The following ZNF554 variants were observed in gnomAD, a reference collection of about 807,000 sequenced individuals.
The protein encoded by ZNF554 is zinc finger protein 554.
In ZNF554, 15 loss-of-function variants were observed where a neutral mutation model predicts 21.2. The ratio of observed to expected loss-of-function variants is 0.71; its 90% CI spans 0.47 to 1.09. ZNF554 has a LOEUF of 1.09. Ranked by LOEUF, ZNF554 falls within the 50% of genes least tolerant of loss-of-function variation. The probability of loss-of-function intolerance (pLI) is 0.00; values close to 1 mark genes in which losing one functional copy is unlikely to be tolerated. For missense variants in ZNF554, 691 were observed against 662.7 expected, an observed-to-expected ratio of 1.04 and a Z score of -0.47; for synonymous variants, 258 against 251.4, an observed-to-expected ratio of 1.03 and a Z score of -0.25.
At chr19:2,826,869 C>G (rs1022715789) in intron 2 of ZNF554, among the ~76,000 whole-genome samples, 1 of 151,876 alleles carries the variant, frequency 6.6e-6, no homozygotes, top group Non-Finnish European at 1.5e-5. Context: ...TCACTGCGTT[C>G]GCCAGGATGG....
intron 3 of ZNF554, among the ~76,000 whole-genome samples, chr19:2,830,080 A>G (rs1346966395): frequency 1.3e-5 from 2 of 151,938 alleles, no homozygotes; most frequent in Non-Finnish European, 2.9e-5. Flanking sequence ...GCCCGCCACC[A>G]TGCCCGGCTA....
In ZNF554 at chr19:2,828,536, G is replaced by A. The variant is rs112278260; in HGVS notation, c.253+793G>A. ...AAACCCTGTCTCTACTAAAAATGGCGGGCACCTGTAATCCCAGCTACTCAG... is the reference window on the plus strand; with the variant it reads ...AAACCCTGTCTCTACTAAAAATGGCAGGCACCTGTAATCCCAGCTACTCAG... On this transcript the variant is annotated intron_variant, in intron 3 of 4. Coordinates refer to ENST00000317243, the MANE Select transcript of ZNF554 (RefSeq NM_001102651.2). 5.5e-3 allele frequency among the ~76,000 whole-genome samples: 839 copies of A among 152,046 alleles called. 8 individuals carry two copies. The highest frequency in any genetic ancestry group is 0.016 in the African/African-American group (664 of 41,492).
intron 2 of ZNF554, among the ~76,000 whole-genome samples, chr19:2,826,828 A>G (rs919548569): frequency 6.6e-6 from 1 of 151,648 alleles, no homozygotes; most frequent in Admixed American, 6.6e-5. Context: ...TGCCCGGCTA[A>G]TTTTTTTGTA....
In ZNF554 at chr19:2,833,844, G is replaced by A; in HGVS notation, c.609G>A (p.Lys203=). ...ACCCCCAGGGGCTTTTGAGCCAAAA[G>A]GCATCCCTTCACGTAGTGGCCGTTC... is the stretch of plus-strand genomic sequence containing the variant. ...HEDPQGLLSQ[K]ASLHVVAVPQ... is the part of the protein sequence containing the mutation. Residue 203 remains lysine (K), a synonymous_variant, in exon 5 of 5, where the codon AAG becomes AAA. Coordinates refer to ENST00000317243, the MANE Select transcript of ZNF554 (RefSeq NM_001102651.2). The A allele has an allele frequency of 6.2e-7, 1 of 1,612,772 alleles. No homozygotes were observed. Among genetic ancestry groups the A allele is most frequent in the Non-Finnish European group, 8.5e-7 (1 of 1,179,218 alleles).
rs1399337194 is a variant in ZNF554 at position 2,834,773 on chromosome 19, C to T, written c.1538C>T (p.Thr513Ile). 1 of 1,613,048 alleles carries T rather than the reference C, an allele frequency of 6.2e-7. No individual in the cohort carries two copies. ...QSSSLVTHQK[T>I]HSSQKTYKII... is the part of the protein sequence containing the mutation. Reference sequence around the variant, plus strand: ...TCATCCCTTGTCACACATCAGAAAACTCACAGCAGCCAGAAAACCTATAAA... The same window carrying T: ...TCATCCCTTGTCACACATCAGAAAATTCACAGCAGCCAGAAAACCTATAAA... Residue 513 changes from threonine (T) to isoleucine (I), a missense_variant, in exon 5 of 5, where the codon ACT becomes ATT. Coordinates refer to ENST00000317243, the MANE Select transcript of ZNF554 (RefSeq NM_001102651.2).
chr19:2,831,155 A>G (rs2087411123), intron 3 of ZNF554: 1 of 152,062 alleles, frequency 6.6e-6, no homozygotes, highest in Admixed American at 6.6e-5. Context: ...GGCAACACTT[A>G]CTATTTTTTA....
intron 3 of ZNF554, among the ~76,000 whole-genome samples, chr19:2,828,222 C>G (rs2087362181): frequency 6.6e-6 from 1 of 152,092 alleles, no homozygotes; most frequent in Admixed American, 6.6e-5. Context: ...AGACATGGGT[C>G]CTGGTTTTGT....
Position 2,820,083 on chromosome 19 carries a change from C to A in ZNF554, c.12C>A (p.Cys4Ter), listed in dbSNP as rs2087241511. The change falls in exon 1 of 5, where the codon TGC becomes TGA. Residue 4 changes from cysteine (C) to a stop codon, truncating the protein, a stop_gained. Transcript: ENST00000317243. LOFTEE classifies it high-confidence loss of function. ...CAGCGCGCGCCCCGATGGTCACCTGCGCCCACCTGGGCCGGCGCGCGCGGC... is the reference window on the plus strand; with the variant it reads ...CAGCGCGCGCCCCGATGGTCACCTGAGCCCACCTGGGCCGGCGCGCGCGGC... MVT[C>*]AHLGRRARLP... is the part of the protein sequence containing the mutation. 4.1e-6 allele frequency: 5 copies of A among 1,214,482 alleles called. No homozygotes were observed. The South Asian group carries it at 2.0e-4, about 48-fold the overall frequency. The allele number at this position is 1,214,482 out of a possible 1,614,324, so 75.2% of individuals were successfully genotyped here.
chr19:2,823,938 C>T (rs1369056439), intron 2 of ZNF554, among the ~76,000 whole-genome samples: 2 of 152,104 alleles, frequency 1.3e-5, no homozygotes, highest in Non-Finnish European at 2.9e-5. Flanking sequence ...AGTCTTCAGG[C>T]CCTCCCTGGC....
chr19:2,834,601 C>T lies in ZNF554; in HGVS notation c.1366C>T (p.Arg456Ter), dbSNP rs202222425. ...SDRSSLNQHE[R>*]THTGENPYEC... ...CCGTTCCTCTCTCAACCAGCACGAG[C>T]GAACTCACACGGGCGAGAACCCCTA... The change falls in exon 5 of 5, where the codon CGA (arginine) becomes TGA (stop). Residue 456 changes from arginine to a stop codon, truncating the protein, a stop_gained. Coordinates refer to ENST00000317243, the MANE Select transcript of ZNF554 (RefSeq NM_001102651.2). LOFTEE classifies it low-confidence loss of function (END_TRUNC). 3.5e-4 allele frequency: 561 copies of T among 1,613,356 alleles called. 1 individual carries two copies. Among genetic ancestry groups the T allele is most frequent in the Admixed American group, 6.0e-4 (36 of 59,944 alleles).
chr19:2,821,001 G>C lies in ZNF554; in HGVS notation c.53+877G>C, dbSNP rs1383715075. Among the ~76,000 whole-genome samples, 1 of 151,620 alleles carries C rather than the reference G, an allele frequency of 6.6e-6. No individual in the cohort carries two copies. Among genetic ancestry groups the C allele is most frequent in the African/African-American group, 2.4e-5 (1 of 40,990 alleles). ...TGTTTATACCCACCACCCATGTTGA[G>C]GAATGAGGGAGGCAGCTGACCTTTC... On this transcript the variant is annotated intron_variant, in intron 1 of 4. Transcript: ENST00000317243. This position sits in a 1 kb window ranked among gnomAD's most constrained non-coding sequence, Gnocchi z 8.2.
In ZNF554 at chr19:2,819,946, C is replaced by A; in HGVS notation, c.-126C>A. The stretch of plus-strand genomic sequence containing the variant: ...GTTCCTGAGGGGCGCCTGCGGGGGG[C>A]GTCCGCTCCGAGCGCCGAGGAGCCG... On this transcript the variant is annotated 5_prime_UTR_variant, in exon 1 of 5. Coordinates refer to ENST00000317243, the MANE Select transcript of ZNF554 (RefSeq NM_001102651.2). 1.4e-6 allele frequency: 1 copy of A among 692,608 alleles called. No homozygotes were observed. The highest frequency in any genetic ancestry group is 1.9e-6 in the Non-Finnish European group (1 of 513,884). 42.9% of individuals were successfully genotyped at this position (692,608 alleles called of 1,614,324 possible). A position where few individuals can be genotyped will look rare whatever the true frequency, so the allele number is the denominator to read the frequency against.
rs755907820 is a variant in ZNF554 at position 2,834,902 on chromosome 19, T to A, written c.*50T>A. The A allele has an allele frequency of 4.7e-6, 7 of 1,477,444 alleles. No homozygotes were observed. 91.5% of individuals were successfully genotyped at this position (1,477,444 alleles called of 1,614,324 possible). On this transcript the variant is annotated 3_prime_UTR_variant, in exon 5 of 5. Transcript: ENST00000317243. ...ACTTTTTAGTACTCTGACACATACA[T>A]GTGGTTATCTTTTGCCCTGTTGTGA... is the stretch of plus-strand genomic sequence containing the variant.
Position 2,834,256 on chromosome 19 carries a change from G to T in ZNF554, c.1021G>T (p.Glu341Ter), listed in dbSNP as rs748270515. 3.7e-6 allele frequency: 6 copies of T among 1,613,920 alleles called. No individual in the cohort carries two copies. Among genetic ancestry groups the T allele is most frequent in the Non-Finnish European group, 5.1e-6 (6 of 1,180,042 alleles). ...KVFNRRHSLS[E>*]HQRIHTGEKP... is the part of the protein sequence containing the mutation. ...GTTCAACCGGAGGCATTCTTTGAGC[G>T]AACATCAAAGAATTCACACGGGGGA... is the stretch of plus-strand genomic sequence containing the variant. Residue 341 changes from glutamate (E) to a stop codon, truncating the protein, a stop_gained, in exon 5 of 5, where the codon GAA (glutamate) becomes TAA (stop). Coordinates refer to ENST00000317243, the MANE Select transcript of ZNF554 (RefSeq NM_001102651.2). LOFTEE classifies it low-confidence loss of function (END_TRUNC).
At chr19:2,828,239 C>T (rs1406791307) in intron 3 of ZNF554, among the ~76,000 whole-genome samples, 3 of 152,126 alleles carry the variant, frequency 2.0e-5, no homozygotes, top group African/African-American at 4.8e-5. Context: ...TTGTGGCTTT[C>T]GTGGTCTGGT....
At position 2,827,229 on chromosome 19, in the gene ZNF554, G is replaced by C. The variant is rs563224789; in HGVS notation, c.127-388G>C. ...AGGAGGCTGTGTCCTGGATAGGTCA[G>C]CAATATACCTGCAGTCCCATAACTT... On this transcript the variant is annotated intron_variant, in intron 2 of 4. Transcript: ENST00000317243. Among the ~76,000 whole-genome samples the C allele has an allele frequency of 2.6e-5, 4 of 152,314 alleles. No individual in the cohort carries two copies. The South Asian group carries it at 8.3e-4, about 32-fold the overall frequency.
At chr19:2,827,950 G>A (rs549986899) in intron 3 of ZNF554, among the ~76,000 whole-genome samples, 116 of 152,256 alleles carry the variant, frequency 7.6e-4, no homozygotes, top group Non-Finnish European at 1.5e-3. Flanking sequence ...CTTACGTGGC[G>A]GTAGGCAAGA....
rs774656440 is a variant in ZNF554 at position 2,834,669 on chromosome 19, C to T, written c.1434C>T (p.Ser478=). The change falls in exon 5 of 5, where the codon TCC becomes TCT. Residue 478 remains serine, a synonymous_variant. Transcript: ENST00000317243. The part of the protein sequence containing the change: ...QCGRAFSQRS[S]LVRHERTHTG... ...GGAGAGCCTTCAGCCAGAGGTCTTC[C>T]CTTGTGAGGCACGAGAGAACTCACA... 40 of 1,613,910 alleles carry T rather than the reference C, an allele frequency of 2.5e-5. No homozygotes were observed. In the East Asian group the frequency reaches 8.5e-4, roughly 34 times the overall value.
intron 3 of ZNF554, chr19:2,831,538 C>G (rs1280977331): frequency 2.0e-5 from 3 of 151,734 alleles, no homozygotes; most frequent in Non-Finnish European, 4.4e-5. Flanking sequence ...TCATGATCCA[C>G]CCGCCCTGCC....
Sources: allele counts gnomAD v4.1 joint callset (sites outside exome capture counted in the v4.1 genomes callset), GRCh38; gene constraint gnomAD v4.1.1; non-coding constraint Gnocchi (gnomAD v3.1); transcripts MANE v1.5; gene names NCBI Gene and HGNC (gene_info 2026-07-23, HGNC 2026-07-21).